SASH1: variants seen among roughly 807,000 people sequenced by gnomAD.
SASH1 encodes the protein SAM and SH3 domain containing 1, also known as SAM and SH3 domain-containing protein 1.
SASH1 carries 44 observed loss-of-function variants against 125.2 expected under a neutral mutation model. The observed-to-expected ratio is 0.35, with a 90% confidence interval of 0.28 to 0.45. The LOEUF (loss-of-function observed/expected upper bound fraction) is 0.45, where lower values mean the gene tolerates loss of function less well. SASH1 is among the 20% of genes least tolerant of loss of function. The probability of loss-of-function intolerance (pLI) is 1.00; values close to 1 mark genes in which losing one functional copy is unlikely to be tolerated. For missense variants in SASH1, 1,426 were observed against 1,614.5 expected (o/e 0.88, Z 2.00); for synonymous variants, 639 against 649.1 (o/e 0.98, Z 0.24).
intron 2 of SASH1, among the ~76,000 whole-genome samples, chr6:148,429,385 TAAAAAAAAAAAAAAAA>T: frequency 1.4e-5 from 1 of 73,938 alleles, no homozygotes; most frequent in Non-Finnish European, 2.4e-5. Context: ...CCCTGTCTCT[TAAAAAAAAAAAAAAAA>T]AAAAAAAAAA....
At chr6:148,262,122 A>G in the SASH1 span, among the ~76,000 whole-genome samples, 1 of 151,664 alleles carries the variant, frequency 6.6e-6, no homozygotes, top group Non-Finnish European at 1.5e-5. Context: ...ACACACACGC[A>G]CGGGCTTGCA....
intron 10 of SASH1, among the ~76,000 whole-genome samples, chr6:148,522,293 C>CTAAT (rs529329675): frequency 2.0e-5 from 3 of 151,970 alleles, no homozygotes; most frequent in African/African-American, 4.8e-5. Flanking sequence ...ATTTAACTTT[C>CTAAT]TAATTATCCA....
the SASH1 span, among the ~76,000 whole-genome samples, chr6:148,198,140 G>A: frequency 6.6e-6 from 1 of 152,124 alleles, no homozygotes; most frequent in Non-Finnish European, 1.5e-5. Context: ...ATGAGCTGCC[G>A]TGCCTGTCTG....
intron 1 of SASH1, among the ~76,000 whole-genome samples, chr6:148,313,613 GC>G (rs1295347192): frequency 6.6e-6 from 1 of 152,074 alleles, no homozygotes; most frequent in Non-Finnish European, 1.5e-5. Context: ...CCCTTCCACT[GC>G]CCCCACTACC....
chr6:148,315,834 G>A (rs1217178368), intron 1 of SASH1, among the ~76,000 whole-genome samples: 9 of 152,166 alleles, frequency 5.9e-5, no homozygotes, highest in Non-Finnish European at 1.3e-4. Context: ...AGCCTGGGAG[G>A]TCGAGGTTTC....
chr6:148,432,384 A>C (rs2473552), intron 2 of SASH1, among the ~76,000 whole-genome samples: 1 of 152,056 alleles, frequency 6.6e-6, no homozygotes, highest in Non-Finnish European at 1.5e-5. Flanking sequence ...TAGTTTGCCA[A>C]CTGGGAGATA....
chr6:148,266,857 C>T, the SASH1 span, among the ~76,000 whole-genome samples: 1 of 152,038 alleles, frequency 6.6e-6, no homozygotes, highest in Non-Finnish European at 1.5e-5. Flanking sequence ...AGTGATCCTC[C>T]CACCTCAGCC....
At chr6:148,381,020 G>A (rs986355281) in intron 1 of SASH1, among the ~76,000 whole-genome samples, 22 of 152,160 alleles carry the variant, frequency 1.4e-4, no homozygotes, top group Non-Finnish European at 2.9e-4. Flanking sequence ...CCTGTGAACT[G>A]TTGATGATTG....
Position 148,343,176 on chromosome 6 carries a change from A to G in SASH1, c.109A>G (p.Thr37Ala), listed in dbSNP as rs1781397667. ...PEPEPKPGAG[T>A]SEAFSRLWTD... ...ACCGGAGCCCAAGCCGGGTGCTGGC[A>G]CATCCGAGGCGTTCTCCCGACTCTG... is the stretch of plus-strand genomic sequence containing the variant. The change falls in exon 1 of 20, where the codon ACA becomes GCA. Residue 37 changes from threonine to alanine, a missense_variant. Physicochemically the swap from Thr to Ala is moderately conservative, Grantham distance 58. Coordinates refer to ENST00000367467, the MANE Select transcript of SASH1 (RefSeq NM_015278.5). The G allele has an allele frequency of 1.2e-6, 2 of 1,600,324 alleles. 1 individual carries two copies. Among genetic ancestry groups the G allele is most frequent in the Non-Finnish European group, 1.7e-6 (2 of 1,179,204 alleles).
chr6:148,318,358 G>A (rs1319867828), intron 1 of SASH1, among the ~76,000 whole-genome samples: 1 of 152,154 alleles, frequency 6.6e-6, no homozygotes, highest in Non-Finnish European at 1.5e-5. Context: ...AAACAGCATA[G>A]TAACAGTATA....
chr6:148,323,750 A>T (rs1248475269), intron 1 of SASH1, among the ~76,000 whole-genome samples: 2 of 152,110 alleles, frequency 1.3e-5, no homozygotes, highest in Non-Finnish European at 1.5e-5. Context: ...AATTAAAGGG[A>T]GGCACTGCTC....
At chr6:148,409,087 C>G (rs1433466301) in intron 2 of SASH1, among the ~76,000 whole-genome samples, 1 of 152,174 alleles carries the variant, frequency 6.6e-6, no homozygotes, top group Non-Finnish European at 1.5e-5. Flanking sequence ...CCCTTGTGTA[C>G]CTGCATTGCA....
chr6:148,464,314 A>G lies in SASH1; in HGVS notation c.387-4231A>G, dbSNP rs74317967. On this transcript the variant is annotated intron_variant, in intron 4 of 19. Coordinates refer to ENST00000367467, the MANE Select transcript of SASH1 (RefSeq NM_015278.5). ...TCAGTTCTGAGACTTTAAATCCAAT[A>G]CTTGATGATAATTAAATGTTTAAAT... Among the ~76,000 whole-genome samples, 332 of 152,342 alleles carry G rather than the reference A, an allele frequency of 2.2e-3. 2 individuals are homozygous for G. The highest frequency in any genetic ancestry group is 7.5e-3 in the African/African-American group (312 of 41,570).
At position 148,533,463 on chromosome 6, in the gene SASH1, G is replaced by A. The variant is rs1018219665; in HGVS notation, c.1735-308G>A. Among the ~76,000 whole-genome samples, 1 of 152,196 alleles carries A rather than the reference G, an allele frequency of 6.6e-6. No individual in the cohort carries two copies. The highest frequency in any genetic ancestry group is 1.5e-5 in the Non-Finnish European group (1 of 68,028). On this transcript the variant is annotated intron_variant, in intron 14 of 19. Transcript: ENST00000367467. This position sits in a 1 kb window ranked among gnomAD's most constrained non-coding sequence, Gnocchi z 6.2. Reference sequence around the variant, plus strand: ...TCTGAGGAGGGAAGGCGTTCAGAGTGCCGGGCGGGCAGCCTGGCTGAGAGC... The same window carrying A: ...TCTGAGGAGGGAAGGCGTTCAGAGTACCGGGCGGGCAGCCTGGCTGAGAGC...
intron 1 of SASH1, among the ~76,000 whole-genome samples, chr6:148,318,851 A>G (rs73007541): frequency 0.073 from 10,934 of 150,640 alleles, 444 homozygotes; most frequent in Non-Finnish European, 0.086. Flanking sequence ...ACGCCCAGCT[A>G]TACTACTAAT....
intron 10 of SASH1, among the ~76,000 whole-genome samples, chr6:148,523,422 A>G (rs1476553078): frequency 2.6e-5 from 4 of 152,230 alleles, no homozygotes; most frequent in Admixed American, 2.6e-4. Flanking sequence ...TGGTGAATAT[A>G]TTTGTGTAGA....
At chr6:148,352,707 C>G (rs1781777951) in intron 1 of SASH1, among the ~76,000 whole-genome samples, 1 of 152,096 alleles carries the variant, frequency 6.6e-6, no homozygotes, top group African/African-American at 2.4e-5. Context: ...TACGGTGGCT[C>G]ATGCCTGTAA....
At chr6:148,343,246 G>A (rs1163734040) in intron 1 of SASH1, 23 bp downstream of exon 1, 2 of 1,574,926 alleles carry the variant, frequency 1.3e-6, no homozygotes, top group Non-Finnish European at 8.6e-7. Flanking sequence ...GGGAGGGGGC[G>A]GCGCAGGAAG....
chr6:148,512,960 A>G, intron 8 of SASH1: 2 of 985,414 alleles, frequency 2.0e-6, no homozygotes, highest in African/African-American at 3.5e-5. Flanking sequence ...CAGGGTGAGG[A>G]CAGAGGCCAG....
Sources: allele counts gnomAD v4.1 joint callset (sites outside exome capture counted in the v4.1 genomes callset), GRCh38; gene constraint gnomAD v4.1.1; non-coding constraint Gnocchi (gnomAD v3.1); transcripts MANE v1.5; gene names NCBI Gene and HGNC (gene_info 2026-07-23, HGNC 2026-07-21).